The following CHST9 variants were observed in gnomAD, a reference collection of about 807,000 sequenced individuals.
CHST9 encodes carbohydrate sulfotransferase 9, also known as GalNAc-4-sulfotransferase 2.
Under a neutral mutation model 44.4 loss-of-function variants are expected in CHST9, and 41 were observed. The ratio of observed to expected loss-of-function variants is 0.92; its 90% CI spans 0.72 to 1.20. CHST9 has a LOEUF of 1.20. CHST9 is among the 50% of genes most tolerant of loss of function. The pLI is 0.00. For synonymous variants in CHST9, 171 were observed against 178.4 expected, an observed-to-expected ratio of 0.96 and a Z score of 0.33; for missense variants, 504 against 516.5, an observed-to-expected ratio of 0.98 and a Z score of 0.23.
rs1461269399 is a variant in CHST9, at chr18:26,916,969, C to A, written c.622G>T (p.Val208Leu). 1 of 1,613,912 alleles carries A rather than the reference C, an allele frequency of 6.2e-7. No homozygotes were observed. Among genetic ancestry groups the A allele is most frequent in the South Asian group, 1.1e-5 (1 of 91,060 alleles). ...TATAAGATTTTGTGTTTATCTTCTA[C>A]ATAGATTCTGGATACTGTATGAAAA... ...HLFHTVSRIYVEDKHKILYCE... is the reference protein window; with the variant it reads ...HLFHTVSRIYLEDKHKILYCE... The change falls in exon 6 of 6, where the codon GTA (valine) becomes TTA (leucine). Residue 208 changes from valine (V) to leucine (L), a missense_variant. Physicochemically the swap from Val to Leu is conservative, Grantham distance 32. Coordinates refer to ENST00000618847, the MANE Select transcript of CHST9 (RefSeq NM_031422.6).
chr18:27,106,829 T>C (rs1403748019), intron 2 of CHST9, among the ~76,000 whole-genome samples: 1 of 152,212 alleles, frequency 6.6e-6, no homozygotes, highest in African/African-American at 2.4e-5. Context: ...ACCTGCTTAC[T>C]ACCCTATTTC....
chr18:26,955,067 C>G (rs2056302858), intron 4 of CHST9, among the ~76,000 whole-genome samples: 1 of 152,048 alleles, frequency 6.6e-6, no homozygotes, highest in Non-Finnish European at 1.5e-5. Flanking sequence ...GGTTAAAAAT[C>G]TTTAGATGGA....
At chr18:27,031,332 G>T (rs2057338317) in intron 3 of CHST9, among the ~76,000 whole-genome samples, 1 of 152,060 alleles carries the variant, frequency 6.6e-6, no homozygotes, top group Non-Finnish European at 1.5e-5. Context: ...TTGCACAAGT[G>T]TCTATTATAT....
chr18:27,056,873 G>C (rs761682400), intron 2 of CHST9, among the ~76,000 whole-genome samples: 3 of 152,142 alleles, frequency 2.0e-5, no homozygotes, highest in African/African-American at 4.8e-5. Context: ...TCCCATTTTA[G>C]TGGATTCCCT....
intron 4 of CHST9, among the ~76,000 whole-genome samples, chr18:26,971,963 G>C (rs530365472): frequency 2.8e-4 from 43 of 152,200 alleles, no homozygotes; most frequent in Non-Finnish European, 4.9e-4. Flanking sequence ...GAACATGTTA[G>C]AAGATGACAA....
intron 1 of CHST9, among the ~76,000 whole-genome samples, chr18:27,151,713 G>C (rs2058660833): frequency 6.6e-6 from 1 of 152,092 alleles, no homozygotes; most frequent in South Asian, 2.1e-4. Context: ...GATAAAGAAA[G>C]GGAACCATGA....
At chr18:27,024,191 C>A in intron 3 of CHST9, 34 bp from the exon 4 acceptor site, 1 of 1,573,154 alleles carries the variant, frequency 6.4e-7, no homozygotes, top group Non-Finnish European at 8.7e-7. Context: ...TCATATATTA[C>A]CATCACATCC....
chr18:27,008,959 T>G (rs2057050847), intron 4 of CHST9, among the ~76,000 whole-genome samples: 1 of 152,012 alleles, frequency 6.6e-6, no homozygotes, highest in African/African-American at 2.4e-5. Flanking sequence ...AACTCAGAAT[T>G]GAAAACCAAA....
At chr18:26,964,474 T>A (rs557382173) in intron 4 of CHST9, among the ~76,000 whole-genome samples, 32 of 152,250 alleles carry the variant, frequency 2.1e-4, no homozygotes, top group Non-Finnish European at 4.3e-4. Flanking sequence ...GTATTTACAA[T>A]AAGTGAGAAA....
At chr18:27,053,130 GGAA>G (rs200427246) in intron 2 of CHST9, among the ~76,000 whole-genome samples, 5,398 of 70,896 alleles carry the variant, frequency 0.076, 217 homozygotes, top group African/African-American at 0.13. Flanking sequence ...AGGAAGAAGA[GGAA>G]GAAGAAGAAG....
Position 27,153,546 on chromosome 18 carries a change from C to CTCTCTGTGTGTG in CHST9, c.-96-10642_-96-10641insCACACACAGAGA, listed in dbSNP as rs1555628608. ...TGTCTTTCTCTCTCTCTCTCTCTCT[C>CTCTCTGTGTGTG]TGTGTGTGTGTGTGTGTGTGTATGT... On this transcript the variant is annotated intron_variant, in intron 1 of 5. Coordinates refer to ENST00000618847, the MANE Select transcript of CHST9 (RefSeq NM_031422.6). Among the ~76,000 whole-genome samples the CTCTCTGTGTGTG allele has an allele frequency of 3.6e-5, 5 of 138,504 alleles. No homozygotes were observed. In the South Asian group the frequency reaches 9.6e-4, roughly 27 times the overall value. The allele number at this position is 138,504 out of a possible 152,430, so 90.9% of individuals were successfully genotyped here.
chr18:27,102,400 T>C (rs895645013), intron 2 of CHST9, among the ~76,000 whole-genome samples: 1 of 152,140 alleles, frequency 6.6e-6, no homozygotes, highest in Non-Finnish European at 1.5e-5. Context: ...AGGGCTGTGA[T>C]TTTCCCTATT....
intron 2 of CHST9, among the ~76,000 whole-genome samples, chr18:27,120,278 C>T (rs1248656582): frequency 6.6e-6 from 1 of 152,168 alleles, no homozygotes; most frequent in African/African-American, 2.4e-5. Context: ...AAGTACGTTA[C>T]CACTTATCCT....
intron 4 of CHST9, among the ~76,000 whole-genome samples, chr18:26,992,585 A>C (rs1349035653): frequency 1.3e-5 from 2 of 152,096 alleles, no homozygotes; most frequent in Non-Finnish European, 2.9e-5. Context: ...ACTTAAAGGG[A>C]CAGAACTGAA....
At chr18:27,145,667 T>C (rs2058606358) in intron 1 of CHST9, among the ~76,000 whole-genome samples, 1 of 152,208 alleles carries the variant, frequency 6.6e-6, no homozygotes, top group Non-Finnish European at 1.5e-5. Flanking sequence ...ATTCAGGTAG[T>C]AAAGAAAGTT....
At position 27,140,588 on chromosome 18, in the gene CHST9, G is replaced by A. The variant is rs78046812; in HGVS notation, c.121+2101C>T. 0.015 allele frequency among the ~76,000 whole-genome samples: 2,230 copies of A among 152,234 alleles called. 189 individuals are homozygous for A. In the East Asian group the frequency reaches 0.25, roughly 17 times the overall value. ...GAAATTTGTTATGAGACCATGATAT[G>A]AGCAAAACTCAAAATAATGAGATCT... is the stretch of plus-strand genomic sequence containing the variant. On this transcript the variant is annotated intron_variant, in intron 2 of 5. Coordinates refer to ENST00000618847, the MANE Select transcript of CHST9 (RefSeq NM_031422.6).
At chr18:27,150,570 T>A (rs1405895349) in intron 1 of CHST9, among the ~76,000 whole-genome samples, 2 of 152,212 alleles carry the variant, frequency 1.3e-5, no homozygotes, top group Non-Finnish European at 2.9e-5. Flanking sequence ...CATTTCACCA[T>A]TTTTGTTAGT....
chr18:27,056,293 T>C (rs1307970772), intron 2 of CHST9, among the ~76,000 whole-genome samples: 1 of 152,214 alleles, frequency 6.6e-6, no homozygotes. Context: ...CATTTTCTGA[T>C]GGTGAAGGCA....
chr18:27,181,561 A>G (rs560553798), intron 1 of CHST9, among the ~76,000 whole-genome samples: 51 of 152,328 alleles, frequency 3.3e-4, no homozygotes, highest in Non-Finnish European at 6.0e-4. Flanking sequence ...TAGGAATGCC[A>G]TTTAACGTCA....
Sources: allele counts gnomAD v4.1 joint callset (sites outside exome capture counted in the v4.1 genomes callset), GRCh38; gene constraint gnomAD v4.1.1; transcripts MANE v1.5; gene names NCBI Gene and HGNC (gene_info 2026-07-23, HGNC 2026-07-21).